STX8: variants seen among roughly 807,000 people sequenced by gnomAD.
The protein encoded by STX8 is syntaxin 8.
STX8 carries 23 observed loss-of-function variants against 37.5 expected under a neutral mutation model. The ratio of observed to expected loss-of-function variants is 0.61; its 90% CI spans 0.44 to 0.87. The LOEUF (loss-of-function observed/expected upper bound fraction) is 0.87. STX8 is among the 40% of genes least tolerant of loss of function. The probability of loss-of-function intolerance (pLI) is 0.00; values close to 1 mark genes in which losing one functional copy is unlikely to be tolerated. For synonymous variants in STX8, 115 were observed against 99.1 expected (o/e 1.16, Z -0.95); for missense variants, 313 against 284.7 (o/e 1.10, Z -0.71).
At chr17:9,509,364 C>G (rs1299187988) in intron 4 of STX8, among the ~76,000 whole-genome samples, 1 of 151,658 alleles carries the variant, frequency 6.6e-6, no homozygotes, top group African/African-American at 2.4e-5. Flanking sequence ...TCTTACCAAC[C>G]AAGAGAGAAT....
intron 7 of STX8, among the ~76,000 whole-genome samples, chr17:9,273,623 G>A (rs1907551064): frequency 1.3e-5 from 2 of 152,252 alleles, no homozygotes; most frequent in African/African-American, 4.8e-5. Context: ...ATGGCGCTAC[G>A]CAGGTTAACA....
intron 4 of STX8, among the ~76,000 whole-genome samples, chr17:9,537,054 G>A (rs892518017): frequency 1.3e-5 from 2 of 152,012 alleles, no homozygotes; most frequent in Admixed American, 6.6e-5. Flanking sequence ...AGCCAAGAAC[G>A]GGCATTATAA....
chr17:9,571,191 C>T (rs1907674183), intron 1 of STX8, among the ~76,000 whole-genome samples: 1 of 152,126 alleles, frequency 6.6e-6, no homozygotes, highest in South Asian at 2.1e-4. Flanking sequence ...TCCCAGGTGT[C>T]CTGACTCCAG....
chr17:9,320,818 T>C (rs1470888452), intron 7 of STX8, among the ~76,000 whole-genome samples: 1 of 151,676 alleles, frequency 6.6e-6, no homozygotes, highest in Non-Finnish European at 1.5e-5. Flanking sequence ...GGAGAATCAC[T>C]TGAACCCAGG....
In STX8 at chr17:9,420,501, G is replaced by T. The variant is rs563068161; in HGVS notation, c.542-41848C>A. ...CTGCTGCCACCGTGGCCCGCCCACA[G>T]CACTTTCCCGCATCTTCACCTTCTC... On this transcript the variant is annotated intron_variant, in intron 6 of 7. Transcript: ENST00000306357. Among the ~76,000 whole-genome samples the T allele has an allele frequency of 3.3e-5, 5 of 152,240 alleles. No individual in the cohort carries two copies. The South Asian group carries it at 6.2e-4, about 19-fold the overall frequency.
At chr17:9,375,323 T>C (rs923072866) in intron 7 of STX8, among the ~76,000 whole-genome samples, 2 of 152,060 alleles carry the variant, frequency 1.3e-5, no homozygotes, top group African/African-American at 4.8e-5. Flanking sequence ...CACTTAAGAG[T>C]CCAGCTCAGA....
intron 6 of STX8, among the ~76,000 whole-genome samples, chr17:9,453,085 C>T (rs987967713): frequency 1.3e-5 from 2 of 152,116 alleles, no homozygotes; most frequent in East Asian, 1.9e-4. Context: ...GGATTACAGG[C>T]GTGAGCCACC....
chr17:9,313,665 C>T (rs140397460), intron 7 of STX8, among the ~76,000 whole-genome samples: 1,879 of 152,300 alleles, frequency 0.012, 46 homozygotes, highest in African/African-American at 0.042. Context: ...TCGCTTCTGT[C>T]GCCCAGGCTG....
In STX8 at chr17:9,394,776, A is replaced by T. The variant is rs1057134634; in HGVS notation, c.542-16123T>A. 3.3e-5 allele frequency among the ~76,000 whole-genome samples: 5 copies of T among 152,174 alleles called. No homozygotes were observed. In the East Asian group the frequency reaches 7.8e-4, roughly 24 times the overall value. On this transcript the variant is annotated intron_variant, in intron 6 of 7. Transcript: ENST00000306357. The stretch of plus-strand genomic sequence containing the variant: ...AGAGGCACAAACAGTTATAAAGTTT[A>T]AAAAAGTTTGGCCAGGCACAGTGGC...
intron 7 of STX8, among the ~76,000 whole-genome samples, chr17:9,367,959 T>G (rs534113030): frequency 9.9e-5 from 15 of 152,258 alleles, no homozygotes; most frequent in African/African-American, 3.6e-4. Flanking sequence ...CTCGAACTCC[T>G]GACTTCAGGT....
intron 6 of STX8, among the ~76,000 whole-genome samples, chr17:9,487,775 AG>A (rs1906665199): frequency 6.6e-6 from 1 of 152,224 alleles, no homozygotes; most frequent in Non-Finnish European, 1.5e-5. Flanking sequence ...TGCGAGTCGA[AG>A]GACCTCTGAC....
intron 7 of STX8, among the ~76,000 whole-genome samples, chr17:9,369,277 G>C (rs1207444115): frequency 6.6e-6 from 1 of 152,218 alleles, no homozygotes; most frequent in East Asian, 1.9e-4. Flanking sequence ...GGATGACACA[G>C]CGGGTACAGA....
intron 4 of STX8, among the ~76,000 whole-genome samples, chr17:9,539,203 A>G (rs1189842086): frequency 6.6e-6 from 1 of 152,168 alleles, no homozygotes; most frequent in Non-Finnish European, 1.5e-5. Context: ...GCTAATCCAA[A>G]CTGAAGTTTG....
At chr17:9,473,666 A>T (rs997968489) in intron 6 of STX8, among the ~76,000 whole-genome samples, 143 of 152,170 alleles carry the variant, frequency 9.4e-4, no homozygotes, top group Admixed American at 1.3e-3. Flanking sequence ...TCCATTTTTA[A>T]AAAAAAAATT....
At position 9,458,521 on chromosome 17, in the gene STX8, A is replaced by G. The variant is rs73263562; in HGVS notation, c.541+33308T>C. On this transcript the variant is annotated intron_variant, in intron 6 of 7. Transcript: ENST00000306357. ...TTTCTACCACATTCTTCAAAAACACATCAAATAAGTTTTTAAAATAATTCA... is the reference window on the plus strand; with the variant it reads ...TTTCTACCACATTCTTCAAAAACACGTCAAATAAGTTTTTAAAATAATTCA... 6.5e-3 allele frequency among the ~76,000 whole-genome samples: 985 copies of G among 152,354 alleles called. 12 individuals are homozygous for G. The highest frequency in any genetic ancestry group is 0.022 in the African/African-American group (910 of 41,578).
At position 9,337,702 on chromosome 17, in the gene STX8, G is replaced by A. The variant is rs545093675; in HGVS notation, c.643+40850C>T. 1.1e-4 allele frequency among the ~76,000 whole-genome samples: 16 copies of A among 152,278 alleles called. No homozygotes were observed. The East Asian group carries it at 1.5e-3, about 15-fold the overall frequency. On this transcript the variant is annotated intron_variant, in intron 7 of 7. Transcript: ENST00000306357. ...TATTAACAAGATCCCCAGATACTGC[G>A]TCTGTGCTGTTCTGGAGGACATACC...
chr17:9,397,717 T>C (rs1912453970), intron 6 of STX8, among the ~76,000 whole-genome samples: 2 of 152,074 alleles, frequency 1.3e-5, no homozygotes, highest in African/African-American at 4.8e-5. Flanking sequence ...AGCTCACACC[T>C]GTAATTCCAG....
At chr17:9,274,316 T>TAA (rs914162652) in intron 7 of STX8, among the ~76,000 whole-genome samples, 1 of 151,602 alleles carries the variant, frequency 6.6e-6, no homozygotes, top group Non-Finnish European at 1.5e-5. Context: ...CTTCCTGCAG[T>TAA]AAAAAAAAGT....
intron 5 of STX8, among the ~76,000 whole-genome samples, chr17:9,492,719 C>CCCTT (rs1268991653): frequency 6.6e-6 from 1 of 152,156 alleles, no homozygotes; most frequent in African/African-American, 2.4e-5. Flanking sequence ...GAAGCCAAGG[C>CCCTT]AGGAGGTTCA....
Sources: gnomAD v4.1 joint callset for allele counts (sites outside exome capture counted in the v4.1 genomes callset) on GRCh38, gnomAD v4.1.1 for gene constraint, MANE v1.5 for transcripts, NCBI Gene and HGNC (gene_info 2026-07-23, HGNC 2026-07-21) for gene names.